Variants in FHAD1 observed in about 807,000 individuals in gnomAD.
The protein encoded by FHAD1 is forkhead-associated domain-containing protein 1.
A neutral mutation model predicts 191.3 loss-of-function variants in FHAD1; 146 were observed. The ratio of observed to expected loss-of-function variants is 0.76; its 90% CI spans 0.67 to 0.88. The LOEUF is 0.88. FHAD1 is among the 40% of genes least tolerant of loss of function. The probability of loss-of-function intolerance (pLI) is 0.00; values close to 1 mark genes in which losing one functional copy is unlikely to be tolerated. For missense variants in FHAD1, 1,635 were observed against 1,785.8 expected (o/e 0.92, Z 1.52); for synonymous variants, 616 against 672.3 (o/e 0.92, Z 1.29).
In FHAD1 at chr1:15,311,200, C is replaced by G. The variant is rs2101113200; in HGVS notation, c.1040-1857C>G. Among the ~76,000 whole-genome samples, 1 of 152,224 alleles carries G rather than the reference C, an allele frequency of 6.6e-6. No individual in the cohort carries two copies. The highest frequency in any genetic ancestry group is 2.1e-4 in the South Asian group (1 of 4,826). On this transcript the variant is annotated intron_variant, in intron 7 of 33. Transcript: ENST00000688493. This position sits in a 1 kb window ranked among gnomAD's most constrained non-coding sequence, Gnocchi z 4.1. ...ACTTGAGGAGATGGAGGTGGAGAAG[C>G]CAGCACAGCTTGAGTTTGCTGGGTG...
rs1382045614 is a variant in FHAD1 at position 15,311,393 on chromosome 1, T to TA, written c.1040-1663dup. Reference sequence around the variant, plus strand: ...CTCGAAGCCCACGTAGGCCTGAGAGTAGCTCACTTTCCCACCATCCAGAAT... The same window carrying TA: ...CTCGAAGCCCACGTAGGCCTGAGAGTAAGCTCACTTTCCCACCATCCAGAAT... On this transcript the variant is annotated intron_variant, in intron 7 of 33. Coordinates refer to ENST00000688493, the MANE Select transcript of FHAD1 (RefSeq NM_001391957.1). This position sits in a 1 kb window ranked among gnomAD's most constrained non-coding sequence, Gnocchi z 4.1. 2.6e-5 allele frequency among the ~76,000 whole-genome samples: 4 copies of TA among 151,862 alleles called. No individual in the cohort carries two copies. Among genetic ancestry groups the TA allele is most frequent in the African/African-American group, 9.7e-5 (4 of 41,306 alleles).
intron 23 of FHAD1, among the ~76,000 whole-genome samples, chr1:15,364,492 C>T (rs375808900): frequency 2.0e-5 from 3 of 152,242 alleles, no homozygotes; most frequent in South Asian, 4.2e-4. Context: ...TGCCTGTAGT[C>T]CCAGCTACTT....
At chr1:15,337,695 A>G (rs779951762) in intron 14 of FHAD1, among the ~76,000 whole-genome samples, 5 of 152,174 alleles carry the variant, frequency 3.3e-5, no homozygotes, top group Admixed American at 6.5e-5. Flanking sequence ...ACGGCCCGAC[A>G]TAGCAGCAGT....
At chr1:15,307,823 C>T (rs934598246) in intron 6 of FHAD1, among the ~76,000 whole-genome samples, 11 of 151,962 alleles carry the variant, frequency 7.2e-5, no homozygotes, top group Non-Finnish European at 5.9e-5. Context: ...CTCTGCCTCC[C>T]GGGTTCACAC....
intron 4 of FHAD1, among the ~76,000 whole-genome samples, chr1:15,294,968 G>A (rs897833366): frequency 6.6e-6 from 1 of 152,178 alleles, no homozygotes; most frequent in African/African-American, 2.4e-5. Flanking sequence ...GAATGGAAAT[G>A]CGTGGGGTGA....
At chr1:15,362,526 T>A (rs1457466429) in intron 22 of FHAD1, 116 bp from the exon 23 acceptor site, 3 of 785,026 alleles carry the variant, frequency 3.8e-6, no homozygotes, top group Non-Finnish European at 6.5e-6. Flanking sequence ...TCTCACAAGG[T>A]GGAGAGGGCT....
chr1:15,328,998 G>A (rs991417232), intron 13 of FHAD1: 11 of 176,582 alleles, frequency 6.2e-5, no homozygotes, highest in African/African-American at 2.6e-4. Context: ...CACGCTTTCC[G>A]ACCAGCTTGT....
intron 31 of FHAD1, 67 bp downstream of exon 31, chr1:15,382,260 G>A (rs1171964301): frequency 6.7e-7 from 1 of 1,494,330 alleles, no homozygotes; most frequent in Non-Finnish European, 9.0e-7. Flanking sequence ...CAATGGCCGA[G>A]GGTGGTCCCT....
rs1372893460 is a variant in FHAD1, at chr1:15,313,229, A to G, written c.1170+42A>G. 4 of 1,546,574 alleles carry G rather than the reference A, an allele frequency of 2.6e-6. No individual in the cohort carries two copies. The African/African-American group carries it at 5.5e-5, about 21-fold the overall frequency. On this transcript the variant is annotated intron_variant, in intron 8 of 33. Coordinates refer to ENST00000688493, the MANE Select transcript of FHAD1 (RefSeq NM_001391957.1). Reference sequence around the variant, plus strand: ...GCGTCACCTTGTAGCCATCCGGTGAAAAGCAGCTAAAGTGAAGTCACGTGA... The same window carrying G: ...GCGTCACCTTGTAGCCATCCGGTGAGAAGCAGCTAAAGTGAAGTCACGTGA...
At chr1:15,339,594 C>T (rs776333128) in intron 15 of FHAD1, 43 bp downstream of exon 15, 1 of 1,068,774 alleles carries the variant, frequency 9.4e-7, no homozygotes, top group South Asian at 1.4e-5. Flanking sequence ...CATTTCGGCC[C>T]CTGGTTGGCA....
upstream of FHAD1, among the ~76,000 whole-genome samples, chr1:15,246,108 A>G (rs111351853): frequency 2.7e-4 from 41 of 152,354 alleles, no homozygotes; most frequent in Middle Eastern, 3.4e-3. Flanking sequence ...AAGGGGAAGC[A>G]AGGAAGCTAG....
chr1:15,304,983 A>G (rs917695329), intron 6 of FHAD1, among the ~76,000 whole-genome samples: 8 of 152,108 alleles, frequency 5.3e-5, no homozygotes, highest in African/African-American at 1.9e-4. Context: ...ACCCTGTCAT[A>G]TCTTATGATA....
intron 10 of FHAD1, among the ~76,000 whole-genome samples, chr1:15,323,776 C>G (rs1371444144): frequency 1.3e-5 from 2 of 152,156 alleles, no homozygotes; most frequent in African/African-American, 4.8e-5. Context: ...ATTACTCGAG[C>G]AAGCGGGGGA....
intron 14 of FHAD1, among the ~76,000 whole-genome samples, chr1:15,330,334 T>A (rs368895521): frequency 2.6e-5 from 4 of 152,262 alleles, no homozygotes; most frequent in African/African-American, 9.6e-5. Flanking sequence ...CAACAAATAG[T>A]GATTGCATGC....
In FHAD1 at chr1:15,247,391, G is replaced by T. The variant is rs114853711; in HGVS notation, c.-19G>T. 2 of 203,916 alleles carry T rather than the reference G, an allele frequency of 9.8e-6. No individual in the cohort carries two copies. Among genetic ancestry groups the T allele is most frequent in the South Asian group, 4.5e-5 (1 of 22,270 alleles). The allele number at this position is 203,916 out of a possible 1,614,324, so 12.6% of individuals were successfully genotyped here. A position where few individuals can be genotyped will look rare whatever the true frequency, so the allele number is the denominator to read the frequency against. On this transcript the variant is annotated 5_prime_UTR_variant, in exon 1 of 34. Transcript: ENST00000688493. ...GTCGGAGCGTGGGCTTCCTCCTCCC[G>T]CCAGGTGAGTGCGGCGCGGGAAGGG...
chr1:15,318,267 C>T lies in FHAD1; in HGVS notation c.1365+339C>T, dbSNP rs1303275311. Among the ~76,000 whole-genome samples, 1 of 152,180 alleles carries T rather than the reference C, an allele frequency of 6.6e-6. No homozygotes were observed. The highest frequency in any genetic ancestry group is 1.5e-5 in the Non-Finnish European group (1 of 68,028). On this transcript the variant is annotated intron_variant, in intron 10 of 33. Coordinates refer to ENST00000688493, the MANE Select transcript of FHAD1 (RefSeq NM_001391957.1). This position sits in a 1 kb window ranked among gnomAD's most constrained non-coding sequence, Gnocchi z 4.1. ...TAATTATTTTAATGTCCCTTCCCATCATGGGAAAAAAAATTGTATTGCATA... is the reference window on the plus strand; with the variant it reads ...TAATTATTTTAATGTCCCTTCCCATTATGGGAAAAAAAATTGTATTGCATA...
chr1:15,325,050 G>A lies in FHAD1; in HGVS notation c.1473+491G>A, dbSNP rs575110278. ...CTCCCGGCTGTGGGTGAGCCACTCC[G>A]ACCTGGTCTGGAGGTGCTGTTTCTT... is the stretch of plus-strand genomic sequence containing the variant. On this transcript the variant is annotated intron_variant, in intron 11 of 33. Transcript: ENST00000688493. This position sits in a 1 kb window ranked among gnomAD's most constrained non-coding sequence, Gnocchi z 4.6. 10 of 160,358 alleles carry A rather than the reference G, an allele frequency of 6.2e-5. No individual in the cohort carries two copies. In the East Asian group the frequency reaches 1.6e-3, roughly 25 times the overall value. 9.9% of individuals were successfully genotyped at this position (160,358 alleles called of 1,614,324 possible). A position where few individuals can be genotyped will look rare whatever the true frequency, so the allele number is the denominator to read the frequency against.
chr1:15,244,337 GT>G (rs1239029450), upstream of FHAD1, among the ~76,000 whole-genome samples: 15 of 152,200 alleles, frequency 9.9e-5, no homozygotes, highest in South Asian at 3.1e-3. This position sits in a 1 kb window ranked among gnomAD's most constrained non-coding sequence, Gnocchi z 5.1. Context: ...AGGATTTTTT[GT>G]TTTTCATTGA....
chr1:15,296,967 A>G (rs904533474), intron 5 of FHAD1, among the ~76,000 whole-genome samples, 174 bp downstream of exon 5: 39 of 152,202 alleles, frequency 2.6e-4, no homozygotes, highest in Non-Finnish European at 5.4e-4. Flanking sequence ...GACCTCCGCA[A>G]CCACTGTTTA....
Sources: allele counts gnomAD v4.1 joint callset (sites outside exome capture counted in the v4.1 genomes callset), GRCh38; gene constraint gnomAD v4.1.1; non-coding constraint Gnocchi (gnomAD v3.1); transcripts MANE v1.5; gene names NCBI Gene and HGNC (gene_info 2026-07-23, HGNC 2026-07-21).